The following TSPEAR variants were observed in gnomAD, a reference collection of about 807,000 sequenced individuals.
The protein encoded by TSPEAR is thrombospondin-type laminin G domain and EAR repeat-containing protein.
A neutral mutation model predicts 71.6 loss-of-function variants in TSPEAR; 69 were observed. That is an observed-to-expected ratio of 0.96 (90% CI 0.79 to 1.18). The LOEUF (loss-of-function observed/expected upper bound fraction) is 1.18, where lower values mean the gene tolerates loss of function less well. Among genes scored for constraint, TSPEAR ranks in the 50% most tolerant of loss-of-function variants. The probability of loss-of-function intolerance (pLI) is 0.00; values close to 1 mark genes in which losing one functional copy is unlikely to be tolerated. For missense variants in TSPEAR, 971 were observed against 894.9 expected, an observed-to-expected ratio of 1.09 and a Z score of -1.09; for synonymous variants, 402 against 387.2, an observed-to-expected ratio of 1.04 and a Z score of -0.45.
intron 1 of TSPEAR, among the ~76,000 whole-genome samples, chr21:44,605,130 A>G (rs1244991148): frequency 2.0e-5 from 3 of 152,374 alleles, no homozygotes; most frequent in South Asian, 2.1e-4. Flanking sequence ...TAAAAAATCA[A>G]CATACAAAAA....
In TSPEAR at chr21:44,579,959, G is replaced by A. The variant is rs73381224; in HGVS notation, c.83-11954C>T. 12,193 of 1,613,982 alleles carry A rather than the reference G, an allele frequency of 7.6e-3. 376 individuals are homozygous for A. In the African/African-American group the frequency reaches 0.11, roughly 14 times the overall value. On this transcript the variant is annotated intron_variant, in intron 1 of 11. Coordinates refer to ENST00000323084, the MANE Select transcript of TSPEAR (RefSeq NM_144991.3). ...GCAGCAGGAGGTGGTGCAGCAAGCC[G>A]GCTGACAGCTAGACTGCTGGCAGCA...
At chr21:44,644,191 C>A (rs1183427096) in intron 1 of TSPEAR, among the ~76,000 whole-genome samples, 1 of 152,168 alleles carries the variant, frequency 6.6e-6, no homozygotes, top group African/African-American at 2.4e-5. Flanking sequence ...CTGCTGGCCC[C>A]CAGTGGAAAG....
At chr21:44,658,055 G>A in intron 1 of TSPEAR, 4 of 1,613,740 alleles carry the variant, frequency 2.5e-6, no homozygotes. Context: ...ATCCTGCTAT[G>A]TGCCCGTGAG....
intron 1 of TSPEAR, among the ~76,000 whole-genome samples, chr21:44,588,367 CA>C (rs1401309406): frequency 1.3e-5 from 2 of 152,002 alleles, no homozygotes; most frequent in East Asian, 3.8e-4. Context: ...ATCAAAAAAT[CA>C]AAAAATAATA....
In TSPEAR at chr21:44,529,967, G is replaced by A. The variant is rs781878224; in HGVS notation, c.634-13C>T. ...GCCTCACCAGTCCCTGCAGAGAGAGGGACAGCTCCTTCAGGCCCGCGCTGC... is the reference window on the plus strand; with the variant it reads ...GCCTCACCAGTCCCTGCAGAGAGAGAGACAGCTCCTTCAGGCCCGCGCTGC... On this transcript the variant is annotated splice_polypyrimidine_tract_variant and intron_variant, in intron 4 of 11. Transcript: ENST00000323084. 3.2e-6 allele frequency: 5 copies of A among 1,577,002 alleles called. No individual in the cohort carries two copies. Among genetic ancestry groups the A allele is most frequent in the Admixed American group, 1.8e-5 (1 of 56,666 alleles).
chr21:44,592,481 C>A (rs200782691), intron 1 of TSPEAR: 2 of 1,608,598 alleles, frequency 1.2e-6, no homozygotes, highest in Non-Finnish European at 1.7e-6. Context: ...GTGGACGCGG[C>A]CATGCTGGGG....
At chr21:44,667,350 G>A (rs1555945111) in intron 1 of TSPEAR, among the ~76,000 whole-genome samples, 1 of 152,154 alleles carries the variant, frequency 6.6e-6, no homozygotes, top group East Asian at 1.9e-4. Context: ...GCTGATCTGT[G>A]GGTGTCCTGA....
At chr21:44,685,602 G>T (rs541808762) in intron 1 of TSPEAR, among the ~76,000 whole-genome samples, 1 of 152,298 alleles carries the variant, frequency 6.6e-6, no homozygotes, top group Non-Finnish European at 1.5e-5. Flanking sequence ...GAGGTGTGGT[G>T]TCAGGAAGCC....
At chr21:44,510,393 A>C (rs17004651) in intron 9 of TSPEAR, among the ~76,000 whole-genome samples, 2 of 152,306 alleles carry the variant, frequency 1.3e-5, no homozygotes, top group Non-Finnish European at 2.9e-5. Context: ...CCAGGTAAGA[A>C]GCAGCTCTGA....
chr21:44,677,584 GT>G, intron 1 of TSPEAR: 4 of 1,016,494 alleles, frequency 3.9e-6, no homozygotes, highest in South Asian at 1.3e-5. Context: ...GCAGGTGTGG[GT>G]TTTCCTTCAT....
chr21:44,706,176 G>A (rs1270964941), intron 1 of TSPEAR, among the ~76,000 whole-genome samples: 1 of 152,218 alleles, frequency 6.6e-6, no homozygotes, highest in Non-Finnish European at 1.5e-5. Context: ...CCTAGGCCAG[G>A]TAGAACTGGC....
At position 44,566,575 on chromosome 21, in the gene TSPEAR, A is replaced by T. The variant is rs115660372; in HGVS notation, c.303+1210T>A. ...AATTTAAAAAGAGGAACAAAGTTGGATGACTCATAGTTCCCAATTTAAAGA... is the reference window on the plus strand; with the variant it reads ...AATTTAAAAAGAGGAACAAAGTTGGTTGACTCATAGTTCCCAATTTAAAGA... On this transcript the variant is annotated intron_variant, in intron 2 of 11. Coordinates refer to ENST00000323084, the MANE Select transcript of TSPEAR (RefSeq NM_144991.3). Among the ~76,000 whole-genome samples, 1,010 of 152,314 alleles carry T rather than the reference A, an allele frequency of 6.6e-3. 19 individuals carry two copies. The highest frequency in any genetic ancestry group is 0.022 in the African/African-American group (927 of 41,566).
rs1210153606 is a variant in TSPEAR at position 44,687,289 on chromosome 21, C to T, written c.82+24144G>A. ...CCAGGGCTCCCAGTGACACACTGGGCGCCTGGTGATTACTCAGCTTCTGGG... is the reference window on the plus strand; with the variant it reads ...CCAGGGCTCCCAGTGACACACTGGGTGCCTGGTGATTACTCAGCTTCTGGG... On this transcript the variant is annotated intron_variant, in intron 1 of 11. Transcript: ENST00000323084. This position sits in a 1 kb window ranked among gnomAD's most constrained non-coding sequence, Gnocchi z 4.4. Among the ~76,000 whole-genome samples, 4 of 152,112 alleles carry T rather than the reference C, an allele frequency of 2.6e-5. No individual in the cohort carries two copies. Among genetic ancestry groups the T allele is most frequent in the Non-Finnish European group, 4.4e-5 (3 of 68,018 alleles).
At chr21:44,524,366 G>T (rs2052803529) in intron 8 of TSPEAR, among the ~76,000 whole-genome samples, 1 of 152,112 alleles carries the variant, frequency 6.6e-6, no homozygotes, top group Non-Finnish European at 1.5e-5. Context: ...CAGTCAGGTA[G>T]CTAGTCAGGT....
chr21:44,543,644 C>G (rs1276776308), intron 2 of TSPEAR, among the ~76,000 whole-genome samples: 1 of 152,184 alleles, frequency 6.6e-6, no homozygotes, highest in Non-Finnish European at 1.5e-5. Flanking sequence ...GAAGTTCAGA[C>G]ATACACACAA....
chr21:44,590,947 C>G (rs952682543), intron 1 of TSPEAR, among the ~76,000 whole-genome samples: 1 of 152,078 alleles, frequency 6.6e-6, no homozygotes, highest in Non-Finnish European at 1.5e-5. Flanking sequence ...CCTGCCTCAT[C>G]CCATGCCCCT....
At chr21:44,701,067 T>C (rs1273677100) in intron 1 of TSPEAR, among the ~76,000 whole-genome samples, 1 of 152,202 alleles carries the variant, frequency 6.6e-6, no homozygotes, top group Non-Finnish European at 1.5e-5. Context: ...TCTGCCCTTA[T>C]AGTGAGGAAA....
intron 1 of TSPEAR, among the ~76,000 whole-genome samples, chr21:44,691,742 C>G (rs1555949749): frequency 6.6e-6 from 1 of 152,170 alleles, no homozygotes; most frequent in Non-Finnish European, 1.5e-5. Flanking sequence ...TGTATAGACA[C>G]TCCACCCAAC....
chr21:44,689,712 A>AATATACATAT (rs1987033543), intron 1 of TSPEAR, among the ~76,000 whole-genome samples: 1 of 62,038 alleles, frequency 1.6e-5, no homozygotes, highest in African/African-American at 8.1e-5. Flanking sequence ...GAATAGAATG[A>AATATACATAT]ATATATATAT....
Sources: gnomAD v4.1 joint callset for allele counts (sites outside exome capture counted in the v4.1 genomes callset) on GRCh38, gnomAD v4.1.1 for gene constraint, Gnocchi (gnomAD v3.1) non-coding constraint, MANE v1.5 for transcripts, NCBI Gene and HGNC (gene_info 2026-07-23, HGNC 2026-07-21) for gene names.